The following APPL2 variants were observed in gnomAD, a reference collection of about 807,000 sequenced individuals.
APPL2 encodes adaptor protein, phosphotyrosine interacting with PH domain and leucine zipper 2, also known as DCC-interacting protein 13-beta.
A neutral mutation model predicts 92.7 loss-of-function variants in APPL2; 84 were observed. The ratio of observed to expected loss-of-function variants is 0.91; its 90% CI spans 0.76 to 1.09. The LOEUF (loss-of-function observed/expected upper bound fraction) is 1.09. Ranked by LOEUF, APPL2 falls within the 50% of genes least tolerant of loss-of-function variation. The pLI, the probability that APPL2 is intolerant of heterozygous loss-of-function variation, is 0.00. For synonymous variants in APPL2, 291 were observed against 291.0 expected (o/e 1.00, Z 0.00); for missense variants, 736 against 824.5 (o/e 0.89, Z 1.31).
chr12:105,199,158 G>C (rs1433377983), intron 10 of APPL2, among the ~76,000 whole-genome samples: 3 of 152,160 alleles, frequency 2.0e-5, no homozygotes, highest in Non-Finnish European at 2.9e-5. Context: ...CAGGCTCTTA[G>C]AGGACTCGTT....
intron 7 of APPL2, 136 bp downstream of exon 7, chr12:105,207,835 T>C: frequency 2.8e-6 from 2 of 727,074 alleles, no homozygotes; most frequent in Non-Finnish European, 2.3e-6. Flanking sequence ...AGATTTGGAA[T>C]GAACAATTTT....
At chr12:105,231,240 C>T (rs767812279) in intron 1 of APPL2, among the ~76,000 whole-genome samples, 10 of 152,254 alleles carry the variant, frequency 6.6e-5, no homozygotes, top group Non-Finnish European at 1.5e-4. Flanking sequence ...TAGCCAAATC[C>T]TGTTTATTGC....
intron 5 of APPL2, 116 bp from the exon 6 acceptor site, chr12:105,208,315 C>G (rs901189594): frequency 1.6e-6 from 2 of 1,232,098 alleles, no homozygotes; most frequent in Non-Finnish European, 2.3e-6. Flanking sequence ...GCCCCTGCAC[C>G]CTCAGTCCCT....
chr12:105,226,241 T>A (rs1395273286), intron 2 of APPL2, among the ~76,000 whole-genome samples: 2 of 152,210 alleles, frequency 1.3e-5, no homozygotes, highest in African/African-American at 4.8e-5. Flanking sequence ...ACACCTAAGC[T>A]TTCAAAGAAA....
At chr12:105,174,809 T>C (rs952046710) in intron 20 of APPL2, among the ~76,000 whole-genome samples, 1 of 151,192 alleles carries the variant, frequency 6.6e-6, no homozygotes, top group African/African-American at 2.4e-5. Flanking sequence ...AACCATTTGA[T>C]TTTTATTGGA....
chr12:105,213,596 ATC>A (rs1014665273), intron 4 of APPL2, among the ~76,000 whole-genome samples: 11 of 152,210 alleles, frequency 7.2e-5, no homozygotes, highest in Admixed American at 5.9e-4. Context: ...ATGCGTGGAA[ATC>A]TCTGTGTGAC....
At chr12:105,216,274 G>A (rs1280521531) in intron 4 of APPL2, among the ~76,000 whole-genome samples, 4 of 152,048 alleles carry the variant, frequency 2.6e-5, no homozygotes, top group African/African-American at 9.7e-5. Context: ...AGCACTTTGG[G>A]AGGCTTAGAC....
chr12:105,197,764 C>A lies in APPL2; in HGVS notation c.1052+1G>T. 1 of 1,614,168 alleles carries A rather than the reference C, an allele frequency of 6.2e-7. No individual in the cohort carries two copies. The highest frequency in any genetic ancestry group is 8.5e-7 in the Non-Finnish European group (1 of 1,180,020). On this transcript the variant is annotated splice_donor_variant, in intron 11 of 20. Coordinates refer to ENST00000258530, the MANE Select transcript of APPL2 (RefSeq NM_018171.5). LOFTEE classifies it high-confidence loss of function. ...TCCCAAATAAAACGCGTGAAACATACGATTTTCCATTGGGCGTGGTGATCT... is the reference window on the plus strand; with the variant it reads ...TCCCAAATAAAACGCGTGAAACATAAGATTTTCCATTGGGCGTGGTGATCT...
intron 11 of APPL2, among the ~76,000 whole-genome samples, chr12:105,196,494 G>C (rs1887666641): frequency 7.5e-6 from 1 of 133,544 alleles, no homozygotes; most frequent in South Asian, 2.4e-4. Flanking sequence ...GGAGTGCAAT[G>C]GTGTGATCTC....
At chr12:105,186,676 T>G (rs1017347168) in intron 17 of APPL2, among the ~76,000 whole-genome samples, 2 of 32,816 alleles carry the variant, frequency 6.1e-5, no homozygotes, top group African/African-American at 1.1e-4. Context: ...ATATATATGA[T>G]ATATCATATA....
chr12:105,207,150 AG>A lies in APPL2; in HGVS notation c.531del (p.Ser178ProfsTer19). The A allele has an allele frequency of 6.2e-7, 1 of 1,614,110 alleles. No individual in the cohort carries two copies. The highest frequency in any genetic ancestry group is 8.5e-7 in the Non-Finnish European group (1 of 1,180,008). Reference sequence around the variant, plus strand: ...TTGAGGGCACAGTAGTACTGAAGGGAGGAGAGGTGCTGCTTCCGCCGGGCCG... The same window carrying A: ...TTGAGGGCACAGTAGTACTGAAGGGAGAGAGGTGCTGCTTCCGCCGGGCCG... Reference protein sequence around the residue: ...VAAARRKQHLSSLQYYCALNA... With the variant: ...VAAARRKQHLXSLQYYCALNA... On this transcript the variant is annotated frameshift_variant, in exon 8 of 21. Coordinates refer to ENST00000258530, the MANE Select transcript of APPL2 (RefSeq NM_018171.5). LOFTEE classifies it high-confidence loss of function.
chr12:105,227,121 T>C (rs940408440), intron 2 of APPL2, among the ~76,000 whole-genome samples: 2 of 99,746 alleles, frequency 2.0e-5, no homozygotes, highest in African/African-American at 4.7e-5. Flanking sequence ...ACCCTGTCTC[T>C]GAAAATTAAA....
intron 2 of APPL2, among the ~76,000 whole-genome samples, chr12:105,228,791 A>G (rs1211028439): frequency 6.6e-6 from 1 of 152,208 alleles, no homozygotes; most frequent in Admixed American, 6.5e-5. Context: ...TGAAAAAGAC[A>G]AAGAGTATGT....
At chr12:105,208,789 C>T (rs934801985) in intron 5 of APPL2, among the ~76,000 whole-genome samples, 4 of 152,106 alleles carry the variant, frequency 2.6e-5, no homozygotes, top group African/African-American at 9.7e-5. Context: ...GAACCAAGCC[C>T]AAGACCAAAA....
At chr12:105,185,802 C>T (rs772878062) in intron 17 of APPL2, among the ~76,000 whole-genome samples, 4 of 152,080 alleles carry the variant, frequency 2.6e-5, no homozygotes, top group Non-Finnish European at 4.4e-5. Context: ...ACTGTGGTGA[C>T]GTATGCATAA....
At chr12:105,220,054 GA>G (rs1238126968) in intron 2 of APPL2, among the ~76,000 whole-genome samples, 22 of 152,208 alleles carry the variant, frequency 1.4e-4, no homozygotes, top group African/African-American at 5.1e-4. Flanking sequence ...CTATTTTATA[GA>G]TGAAGAAACT....
intron 1 of APPL2, among the ~76,000 whole-genome samples, chr12:105,234,504 C>G (rs1891115829): frequency 6.6e-6 from 1 of 152,172 alleles, no homozygotes; most frequent in Non-Finnish European, 1.5e-5. Context: ...TATGTTAGAG[C>G]TGGAAATTAA....
At chr12:105,208,229 G>A (rs775136114) in intron 5 of APPL2, 30 bp from the exon 6 acceptor site, 2 of 1,613,424 alleles carry the variant, frequency 1.2e-6, no homozygotes, top group South Asian at 2.2e-5. Context: ...CCGTCTTAGA[G>A]CAATGAAAAA....
rs141489894 is a variant in APPL2 at position 105,210,926 on chromosome 12, A to G, written c.373+304T>C. 5.2e-3 allele frequency among the ~76,000 whole-genome samples: 792 copies of G among 152,266 alleles called. 6 individuals are homozygous for G. The highest frequency in any genetic ancestry group is 0.018 in the African/African-American group (758 of 41,534). On this transcript the variant is annotated intron_variant, in intron 5 of 20. Coordinates refer to ENST00000258530, the MANE Select transcript of APPL2 (RefSeq NM_018171.5). ...ACCCAGCTCAGAGATCACCTTCTTC[A>G]GGAAGCCGTCCCTAGCACGCCTTTC...
Sources: allele counts gnomAD v4.1 joint callset (sites outside exome capture counted in the v4.1 genomes callset), GRCh38; gene constraint gnomAD v4.1.1; transcripts MANE v1.5; gene names NCBI Gene and HGNC (gene_info 2026-07-23, HGNC 2026-07-21).